UGGT2: variants seen among roughly 807,000 people sequenced by gnomAD.
UGGT2 encodes the protein UDP-glucose:glycoprotein glucosyltransferase 2.
In UGGT2, 180 loss-of-function variants were observed where a neutral mutation model predicts 192.1. The observed-to-expected ratio is 0.94, with a 90% CI of 0.83 to 1.06. The LOEUF (loss-of-function observed/expected upper bound fraction) is 1.06, where lower values mean the gene tolerates loss of function less well. Among genes scored for constraint, UGGT2 ranks in the 50% least tolerant of loss-of-function variants. UGGT2 has a pLI of 0.00. For synonymous variants in UGGT2, 580 were observed against 591.0 expected, an observed-to-expected ratio of 0.98 and a Z score of 0.27; for missense variants, 1,849 against 1,795.7, an observed-to-expected ratio of 1.03 and a Z score of -0.54.
chr13:95,874,798 C>A (rs779760721), intron 29 of UGGT2, among the ~76,000 whole-genome samples: 19 of 151,936 alleles, frequency 1.3e-4, no homozygotes, highest in Middle Eastern at 3.2e-3. Flanking sequence ...GTCAACTGAT[C>A]CTCCCACCTC....
chr13:95,889,326 G>A (rs1594242550), intron 25 of UGGT2, among the ~76,000 whole-genome samples: 2 of 152,070 alleles, frequency 1.3e-5, no homozygotes, highest in Non-Finnish European at 2.9e-5. Context: ...TGTCCTACTC[G>A]TTTCATAAAC....
chr13:95,986,658 C>T (rs816141), intron 8 of UGGT2, among the ~76,000 whole-genome samples: 148,363 of 152,162 alleles, frequency 0.98, 72,461 homozygotes, highest in East Asian at 1. Flanking sequence ...CCTCTTGTTT[C>T]CACAAATTAC....
chr13:95,926,423 C>A (rs1396969769), intron 19 of UGGT2, among the ~76,000 whole-genome samples: 2 of 152,142 alleles, frequency 1.3e-5, no homozygotes, highest in Non-Finnish European at 2.9e-5. Context: ...CCAAAATCAG[C>A]CTTCTTTAAT....
intron 37 of UGGT2, among the ~76,000 whole-genome samples, chr13:95,834,995 A>C (rs528132764): frequency 1.3e-5 from 2 of 152,364 alleles, no homozygotes; most frequent in African/African-American, 4.8e-5. Context: ...AGGTGAAATA[A>C]ATTTTAATAC....
At chr13:96,033,410 C>T (rs897696923) in intron 1 of UGGT2, among the ~76,000 whole-genome samples, 6 of 152,088 alleles carry the variant, frequency 3.9e-5, no homozygotes, top group African/African-American at 1.2e-4. Context: ...GGCCCGCACT[C>T]CCCAGGTGCA....
At chr13:95,899,987 A>G (rs1005868507) in intron 22 of UGGT2, among the ~76,000 whole-genome samples, 14 of 152,172 alleles carry the variant, frequency 9.2e-5, no homozygotes, top group Non-Finnish European at 1.5e-4. Flanking sequence ...TTCAAGCCAC[A>G]GATACGTGAA....
rs550809472 is a variant in UGGT2, at chr13:95,848,471, G to A, written c.4284+5072C>T. 4.6e-5 allele frequency among the ~76,000 whole-genome samples: 7 copies of A among 152,160 alleles called. No homozygotes were observed. The East Asian group carries it at 1.4e-3, about 29-fold the overall frequency. On this transcript the variant is annotated intron_variant, in intron 36 of 38. Coordinates refer to ENST00000376747, the MANE Select transcript of UGGT2 (RefSeq NM_020121.4). ...ATAAACCATTCTAATTTTTCTGAAG[G>A]GTGTAAGATCTGTGTCTAGATTCAT...
intron 1 of UGGT2, among the ~76,000 whole-genome samples, chr13:96,043,602 TCTG>T (rs1396307555): frequency 1.3e-5 from 2 of 152,042 alleles, no homozygotes; most frequent in Non-Finnish European, 2.9e-5. Flanking sequence ...TCACCAACCA[TCTG>T]CTGTCTTCAA....
intron 30 of UGGT2, among the ~76,000 whole-genome samples, chr13:95,865,724 T>C (rs1195154353): frequency 1.3e-5 from 2 of 152,188 alleles, no homozygotes; most frequent in African/African-American, 2.4e-5. Flanking sequence ...GTAGAATATT[T>C]CTAATTGGTT....
chr13:95,900,987 T>A, intron 21 of UGGT2, 49 bp from the exon 22 acceptor site: 1 of 1,289,512 alleles, frequency 7.8e-7, no homozygotes, highest in Non-Finnish European at 1.0e-6. Flanking sequence ...ACAGTAAATA[T>A]ATTAAATCAT....
At chr13:95,815,029 T>G (rs1480087262) in intron 38 of UGGT2, among the ~76,000 whole-genome samples, 2 of 152,164 alleles carry the variant, frequency 1.3e-5, no homozygotes, top group Non-Finnish European at 2.9e-5. Flanking sequence ...AAGTATCAAT[T>G]TATGATTAAA....
rs549306105 is a variant in UGGT2, at chr13:95,961,852, T to A, written c.1335+8260A>T. On this transcript the variant is annotated intron_variant, in intron 12 of 38. Transcript: ENST00000376747. ...ATATGTTGGGACACAAAAACAAGTC[T>A]CAATAAATTTTTAGAAATTGAAATC... Among the ~76,000 whole-genome samples the A allele has an allele frequency of 2.0e-5, 3 of 152,262 alleles. No individual in the cohort carries two copies. The East Asian group carries it at 5.8e-4, about 29-fold the overall frequency.
At chr13:95,813,547 A>G (rs2083472602) in intron 38 of UGGT2, among the ~76,000 whole-genome samples, 2 of 152,272 alleles carry the variant, frequency 1.3e-5, no homozygotes, top group African/African-American at 4.8e-5. Flanking sequence ...TTAAAGTTGG[A>G]ACTTTTAAAA....
intron 37 of UGGT2, among the ~76,000 whole-genome samples, chr13:95,833,707 T>C (rs1886974980): frequency 1.3e-5 from 2 of 152,262 alleles, no homozygotes; most frequent in South Asian, 2.1e-4. Context: ...TCTGCTGATA[T>C]ATTGGACGTG....
In UGGT2 at chr13:95,937,031, T is replaced by A; in HGVS notation, c.1870A>T (p.Asn624Tyr). 1.2e-6 allele frequency: 2 copies of A among 1,604,998 alleles called. No individual in the cohort carries two copies. The highest frequency in any genetic ancestry group is 1.7e-6 in the Non-Finnish European group (2 of 1,178,154). ...GLGPLPQALY[N>Y]GEPFKHEEMN... The stretch of plus-strand genomic sequence containing the variant: ...TCTTCATGTTTAAAGGGTTCACCAT[T>A]ATAAAGAGCTTGAGGCAAAGGACCC... The change falls in exon 17 of 39, where the codon AAT (asparagine) becomes TAT (tyrosine). Residue 624 changes from asparagine (N) to tyrosine (Y), a missense_variant. Asn to Tyr is a moderately radical substitution (Grantham distance 143). Transcript: ENST00000376747.
In UGGT2 at chr13:95,884,690, A is replaced by C; in HGVS notation, c.3039-10T>G. ...AACAAAACGGTAAAAGCTGTTAATA[A>C]AACATAAAAATACATAATGTGACCA... On this transcript the variant is annotated splice_polypyrimidine_tract_variant and intron_variant, in intron 26 of 38. Transcript: ENST00000376747. The C allele has an allele frequency of 6.3e-7, 1 of 1,591,606 alleles. No individual in the cohort carries two copies. Among genetic ancestry groups the C allele is most frequent in the Non-Finnish European group, 8.5e-7 (1 of 1,172,254 alleles).
chr13:95,907,503 C>A (rs1166543539), intron 20 of UGGT2, among the ~76,000 whole-genome samples: 2 of 152,068 alleles, frequency 1.3e-5, no homozygotes, highest in Non-Finnish European at 2.9e-5. Flanking sequence ...CCAACAGGGG[C>A]CGACAGACAC....
intron 12 of UGGT2, among the ~76,000 whole-genome samples, chr13:95,957,317 T>C (rs1228679941): frequency 6.6e-6 from 1 of 152,210 alleles, no homozygotes; most frequent in Non-Finnish European, 1.5e-5. Context: ...TTTTATGCCA[T>C]GTATATCTAA....
chr13:95,919,364 C>T (rs1486329406), intron 20 of UGGT2, among the ~76,000 whole-genome samples: 1 of 152,030 alleles, frequency 6.6e-6, no homozygotes, highest in African/African-American at 2.4e-5. Context: ...AAAGTTCTGG[C>T]CAGGGTAATC....
Sources: allele counts gnomAD v4.1 joint callset (sites outside exome capture counted in the v4.1 genomes callset), GRCh38; gene constraint gnomAD v4.1.1; transcripts MANE v1.5; gene names NCBI Gene and HGNC (gene_info 2026-07-23, HGNC 2026-07-21).